Variants in MYH16 observed in about 807,000 individuals in gnomAD.
MYH16 encodes myosin heavy chain 16, also known as putative uncharacterized protein MYH16.
intron 19 of MYH16, among the ~76,000 whole-genome samples, chr7:99,271,866 A>AT (rs375505929): frequency 3.5e-4 from 53 of 149,310 alleles, no homozygotes; most frequent in African/African-American, 9.6e-4. Flanking sequence ...CACCTGGCTA[A>AT]TTTTTTTTTT....
At chr7:99,289,089 G>A (rs1316174340) in intron 29 of MYH16, among the ~76,000 whole-genome samples, 198 bp from the exon 11 acceptor site, 2 of 151,278 alleles carry the variant, frequency 1.3e-5, no homozygotes, top group African/African-American at 4.9e-5. Context: ...ACTCCAGCCG[G>A]GGTGATGGAG....
At position 99,274,978 on chromosome 7, in the gene MYH16, C is replaced by T. The variant is rs114206265; in HGVS notation, n.2485+1555C>T. 3.5e-3 allele frequency among the ~76,000 whole-genome samples: 532 copies of T among 151,102 alleles called. 2 individuals are homozygous for T. Among genetic ancestry groups the T allele is most frequent in the African/African-American group, 0.012 (513 of 41,114 alleles). On this transcript the variant is annotated intron_variant and non_coding_transcript_variant, in intron 20 of 41. Coordinates refer to ENST00000439784, the Ensembl canonical transcript of MYH16. ...AGATGTGAGTCATTGCACCTGGCCTCGCTTTTTTATTTTGGAAAAAAAAAA... is the reference window on the plus strand; with the variant it reads ...AGATGTGAGTCATTGCACCTGGCCTTGCTTTTTTATTTTGGAAAAAAAAAA...
downstream of MYH16, among the ~76,000 whole-genome samples, chr7:99,308,661 G>T (rs1237207083): frequency 6.6e-6 from 1 of 152,174 alleles, no homozygotes; most frequent in East Asian, 1.9e-4. Context: ...CAGCTCTGGG[G>T]GTGGGCCCAG....
At chr7:99,242,313 G>T (rs1361320894) in intron 1 of MYH16, among the ~76,000 whole-genome samples, 3 of 151,970 alleles carry the variant, frequency 2.0e-5, no homozygotes, top group African/African-American at 7.3e-5. Flanking sequence ...ATCCTTGAAG[G>T]TGGCTTGGAG....
intron 10 of MYH16, among the ~76,000 whole-genome samples, chr7:99,257,783 G>A (rs1468787087): frequency 1.3e-5 from 2 of 152,064 alleles, no homozygotes; most frequent in Non-Finnish European, 2.9e-5. Context: ...CAGTAGCTGG[G>A]ACTACAGTGC....
chr7:99,305,051 T>C (rs1367715156), intron 40 of MYH16, among the ~76,000 whole-genome samples: 2 of 151,842 alleles, frequency 1.3e-5, no homozygotes, highest in African/African-American at 2.4e-5. Context: ...TAGCTGGGTG[T>C]GGTGGCACAT....
exon 41 of MYH16, chr7:99,305,913 G>A (rs1792671195): frequency 6.5e-6 from 1 of 152,766 alleles, no homozygotes; most frequent in Non-Finnish European, 1.5e-5. Context: ...GTAAGAATGA[G>A]CGTCGCCTCA....
intron 20 of MYH16, among the ~76,000 whole-genome samples, chr7:99,274,871 A>C (rs1308684602): frequency 6.6e-6 from 1 of 151,676 alleles, no homozygotes; most frequent in East Asian, 1.9e-4. Flanking sequence ...ACAGGGTTTT[A>C]CCATGCTGGC....
Position 99,302,303 on chromosome 7 carries a change from A to AAG in MYH16, n.5137+500_5137+501insGA, listed in dbSNP as rs1275230810. Among the ~76,000 whole-genome samples, 316 of 117,000 alleles carry AAG rather than the reference A, an allele frequency of 2.7e-3. 18 individuals are homozygous for AAG. The highest frequency in any genetic ancestry group is 0.015 in the African/African-American group (297 of 20,324). 76.8% of individuals were successfully genotyped at this position (117,000 alleles called of 152,430 possible). ...TGGGTGACAGAGTGACCATCTCAAA[A>AAG]AAAAAAAAATATATACACACACACA... On this transcript the variant is annotated intron_variant and non_coding_transcript_variant, in intron 38 of 41. Transcript: ENST00000439784.
intron 29 of MYH16, among the ~76,000 whole-genome samples, chr7:99,288,937 C>A (rs1436282037): frequency 6.6e-6 from 1 of 152,048 alleles, no homozygotes; most frequent in Non-Finnish European, 1.5e-5. Flanking sequence ...CACAGTGAAA[C>A]CCTGTCTCTA....
intron 28 of MYH16, among the ~76,000 whole-genome samples, chr7:99,287,403 G>A (rs1351814124): frequency 1.3e-5 from 2 of 151,788 alleles, no homozygotes; most frequent in African/African-American, 2.4e-5. Context: ...GCATGGTGGT[G>A]GGCACCTGTA....
chr7:99,250,004 G>C (rs184120964), exon 5 of MYH16: 2 of 153,100 alleles, frequency 1.3e-5, no homozygotes, highest in East Asian at 3.9e-4. Flanking sequence ...TGGTAAGACT[G>C]AGAACACGAA....
chr7:99,246,778 G>C (rs945448061), intron 2 of MYH16, among the ~76,000 whole-genome samples: 2 of 151,928 alleles, frequency 1.3e-5, no homozygotes, highest in Non-Finnish European at 2.9e-5. Flanking sequence ...GGTGAGGGTG[G>C]GGGTGGGCAT....
chr7:99,265,578 G>A (rs1791978519), exon 17 of MYH16: 1 of 153,698 alleles, frequency 6.5e-6, no homozygotes, highest in Non-Finnish European at 1.5e-5. Context: ...AGGTGTGATA[G>A]ACGCCCACCT....
chr7:99,286,588 G>C (rs2150824182), intron 28 of MYH16: 2 of 152,480 alleles, frequency 1.3e-5, no homozygotes, highest in Middle Eastern at 3.4e-3. Context: ...AAAATTGCTG[G>C]ACTGTGAGCA....
chr7:99,296,727 C>T, exon 34 of MYH16: 1 of 456,132 alleles, frequency 2.2e-6, no homozygotes, highest in Non-Finnish European at 4.4e-6. Context: ...CTGCCCTGGA[C>T]AAGAAGCAGA....
At chr7:99,294,551 AAAAAT>A (rs1562785539) in intron 33 of MYH16, among the ~76,000 whole-genome samples, 2 of 122,388 alleles carry the variant, frequency 1.6e-5, no homozygotes, top group African/African-American at 9.7e-5. Flanking sequence ...AAAAGAAAAA[AAAAAT>A]ATATATATAT....
At chr7:99,274,280 G>T (rs1792082542) in intron 20 of MYH16, among the ~76,000 whole-genome samples, 1 of 152,224 alleles carries the variant, frequency 6.6e-6, no homozygotes, top group Non-Finnish European at 1.5e-5. Flanking sequence ...TCATGCCTGT[G>T]CTGGGGCCAC....
intron 5 of MYH16, among the ~76,000 whole-genome samples, chr7:99,250,417 T>C (rs1791796158): frequency 6.6e-6 from 1 of 152,138 alleles, no homozygotes; most frequent in Admixed American, 6.5e-5. Flanking sequence ...CAAAAAGCCT[T>C]AGCTGGGCAG....
Sources: gnomAD v4.1 joint callset for allele counts (sites outside exome capture counted in the v4.1 genomes callset) on GRCh38, gnomAD v4.1.1 for gene constraint, MANE v1.5 for transcripts, NCBI Gene and HGNC (gene_info 2026-07-23, HGNC 2026-07-21) for gene names.